Variants in RGL1 observed in about 807,000 individuals in gnomAD.
The protein encoded by RGL1 is ral guanine nucleotide dissociation stimulator like 1, also known as ral guanine nucleotide dissociation stimulator-like 1.
In RGL1, 24 loss-of-function variants were observed where a neutral mutation model predicts 95.2. The observed-to-expected ratio is 0.25, with a 90% CI of 0.18 to 0.35. RGL1 has a LOEUF of 0.35. Ranked by LOEUF, RGL1 falls within the 10% of genes least tolerant of loss-of-function variation. The probability of loss-of-function intolerance (pLI) is 1.00; values close to 1 mark genes in which losing one functional copy is unlikely to be tolerated. For missense variants in RGL1, 715 were observed against 936.3 expected, an observed-to-expected ratio of 0.76 and a Z score of 3.08; for synonymous variants, 329 against 344.9, an observed-to-expected ratio of 0.95 and a Z score of 0.51.
intron 2 of RGL1, among the ~76,000 whole-genome samples, chr1:183,744,960 G>A (rs1657532324): frequency 6.6e-6 from 1 of 152,138 alleles, no homozygotes; most frequent in African/African-American, 2.4e-5. Context: ...TACTAGATCA[G>A]CTCTGAAATG....
intron 1 of RGL1, among the ~76,000 whole-genome samples, chr1:183,693,057 C>T (rs1208839836): frequency 6.6e-6 from 1 of 151,758 alleles, no homozygotes; most frequent in African/African-American, 2.4e-5. Context: ...GAGGTTCAAG[C>T]AATTCTTCTG....
In RGL1 at chr1:183,668,003, A is replaced by ATGTGTGTG. The variant is rs71130628; in HGVS notation, c.-33+31518_-33+31525dup. On this transcript the variant is annotated intron_variant, in intron 1 of 18. Coordinates refer to the RGL1 transcript ENST00000304685. Reference sequence around the variant, plus strand: ...TTATTTTACTTACATGCTTATATATATGTGTGTGTGTGTGTGTGTGTGTCT... The same window carrying ATGTGTGTG: ...TTATTTTACTTACATGCTTATATATATGTGTGTGTGTGTGTGTGTGTGTGTGTGTGTCT... Among the ~76,000 whole-genome samples the ATGTGTGTG allele has an allele frequency of 2.1e-3, 287 of 135,246 alleles. 2 individuals are homozygous for ATGTGTGTG. The highest frequency in any genetic ancestry group is 7.2e-3 in the African/African-American group (267 of 37,032). The allele number at this position is 135,246 out of a possible 152,430, so 88.7% of individuals were successfully genotyped here.
chr1:183,926,350 T>C lies in RGL1; in HGVS notation c.*58T>C. 1 of 1,436,616 alleles carries C rather than the reference T, an allele frequency of 7.0e-7. No homozygotes were observed. The highest frequency in any genetic ancestry group is 1.3e-5 in the South Asian group (1 of 76,126). The allele number at this position is 1,436,616 out of a possible 1,614,324, so 89.0% of individuals were successfully genotyped here. A position where few individuals can be genotyped will look rare whatever the true frequency, so the allele number is the denominator to read the frequency against. On this transcript the variant is annotated 3_prime_UTR_variant, in exon 18 of 18. Transcript: ENST00000360851. ...GGCAGAGTGGGGCTGAGAAACAGGC[T>C]GCGGTGATTGCAATTACCATCCGGT...
At chr1:183,683,237 A>G (rs1164977304) in intron 1 of RGL1, among the ~76,000 whole-genome samples, 3 of 152,160 alleles carry the variant, frequency 2.0e-5, no homozygotes, top group Admixed American at 6.6e-5. Flanking sequence ...TATTTTGCCC[A>G]TTAGTTGATG....
At chr1:183,639,842 C>A (rs1407657660) in intron 1 of RGL1, among the ~76,000 whole-genome samples, 1 of 151,306 alleles carries the variant, frequency 6.6e-6, no homozygotes. Flanking sequence ...AAATGTTTTT[C>A]TTTTTTTCTT....
chr1:183,664,169 T>A (rs1224300751), intron 1 of RGL1, among the ~76,000 whole-genome samples: 1 of 151,872 alleles, frequency 6.6e-6, no homozygotes, highest in South Asian at 2.1e-4. Flanking sequence ...CATATGTAAC[T>A]AACCTGCCCA....
chr1:183,747,821 G>T (rs1188543158), intron 2 of RGL1, among the ~76,000 whole-genome samples: 1 of 152,116 alleles, frequency 6.6e-6, no homozygotes, highest in Non-Finnish European at 1.5e-5. Context: ...TCTGCCAGGT[G>T]TTGGTATCAG....
At chr1:183,842,773 T>C (rs1347679466) in intron 2 of RGL1, among the ~76,000 whole-genome samples, 1 of 152,234 alleles carries the variant, frequency 6.6e-6, no homozygotes, top group Non-Finnish European at 1.5e-5. Flanking sequence ...TAAGCACTTG[T>C]CTGACAAGGG....
At chr1:183,693,203 C>T (rs931298686) in intron 1 of RGL1, among the ~76,000 whole-genome samples, 2 of 152,084 alleles carry the variant, frequency 1.3e-5, no homozygotes, top group Non-Finnish European at 2.9e-5. Context: ...ATCTGCCCAC[C>T]TCGGCCTCCC....
At chr1:183,791,610 A>G (rs754103286) in intron 2 of RGL1, among the ~76,000 whole-genome samples, 1 of 152,234 alleles carries the variant, frequency 6.6e-6, no homozygotes, top group Non-Finnish European at 1.5e-5. Flanking sequence ...GAAGAGTGTC[A>G]TAGAACAGAA....
chr1:183,906,483 A>G (rs11808758), intron 13 of RGL1, among the ~76,000 whole-genome samples: 2,328 of 151,912 alleles, frequency 0.015, 78 homozygotes, highest in African/African-American at 0.054. Flanking sequence ...AAATAAATAT[A>G]TATATATATA....
At position 183,893,678 on chromosome 1, in the gene RGL1, ACTC is replaced by A. The variant is rs557423624; in HGVS notation, c.1140+1523_1140+1525del. On this transcript the variant is annotated intron_variant, in intron 9 of 17. Coordinates refer to ENST00000360851, the MANE Select transcript of RGL1 (RefSeq NM_001297671.3). ...ACTTATCCTTCATGTCTCAGTGTAGACTCCTCCTTTTCTGGAAGCCTTCCTTCA... is the reference window on the plus strand; with the variant it reads ...ACTTATCCTTCATGTCTCAGTGTAGACTCCTTTTCTGGAAGCCTTCCTTCA... 1.9e-3 allele frequency among the ~76,000 whole-genome samples: 287 copies of A among 151,332 alleles called. 1 individual carries two copies. Among genetic ancestry groups the A allele is most frequent in the African/African-American group, 6.7e-3 (276 of 41,168 alleles).
chr1:183,848,317 T>C (rs960725227), intron 3 of RGL1, among the ~76,000 whole-genome samples: 2 of 152,240 alleles, frequency 1.3e-5, no homozygotes, highest in Middle Eastern at 3.2e-3. Context: ...ACTTATTACA[T>C]AGAGCAGTAT....
intron 6 of RGL1, 65 bp from the exon 7 acceptor site, chr1:183,884,649 AATGACCCAG>A (rs1402999091): frequency 7.8e-7 from 1 of 1,278,650 alleles, no homozygotes; most frequent in Non-Finnish European, 1.1e-6. Flanking sequence ...CCAATTTACA[AATGACCCAG>A]ATGACATGCT....
chr1:183,748,100 A>G (rs1472258763), intron 2 of RGL1, among the ~76,000 whole-genome samples: 1 of 152,126 alleles, frequency 6.6e-6, no homozygotes, highest in South Asian at 2.1e-4. Context: ...TAGATTTTCT[A>G]GTTTATTTGT....
chr1:183,696,720 A>G (rs1309612710), intron 1 of RGL1, among the ~76,000 whole-genome samples: 1 of 152,154 alleles, frequency 6.6e-6, no homozygotes, highest in African/African-American at 2.4e-5. Flanking sequence ...CTTTCCCCCA[A>G]AAACTGTTCC....
At chr1:183,836,029 TG>T (rs529074255) in intron 2 of RGL1, among the ~76,000 whole-genome samples, 235 of 152,322 alleles carry the variant, frequency 1.5e-3, no homozygotes, top group African/African-American at 5.5e-3. Flanking sequence ...TAACTCTGGG[TG>T]TGACCCCTTA....
chr1:183,700,793 C>T (rs1252473505), intron 1 of RGL1, among the ~76,000 whole-genome samples: 1 of 152,138 alleles, frequency 6.6e-6, no homozygotes, highest in Admixed American at 6.5e-5. Context: ...ATCCGCCCAC[C>T]TCGGCCTTCC....
At chr1:183,913,505 C>CT (rs1572597371) in intron 15 of RGL1, among the ~76,000 whole-genome samples, 1 of 152,156 alleles carries the variant, frequency 6.6e-6, no homozygotes, top group East Asian at 1.9e-4. Context: ...TGTTAATCTT[C>CT]TGTACACATC....
Sources: allele counts gnomAD v4.1 joint callset (sites outside exome capture counted in the v4.1 genomes callset), GRCh38; gene constraint gnomAD v4.1.1; transcripts MANE v1.5; gene names NCBI Gene and HGNC (gene_info 2026-07-23, HGNC 2026-07-21).